KIF7: variants seen among roughly 807,000 people sequenced by gnomAD.
The protein encoded by KIF7 is kinesin-like protein KIF7.
A neutral mutation model predicts 135.7 loss-of-function variants in KIF7; 104 were observed. That is an observed-to-expected ratio of 0.77 (90% CI 0.65 to 0.90). The LOEUF is 0.90. Among genes scored for constraint, KIF7 ranks in the 40% least tolerant of loss-of-function variants. KIF7 has a pLI of 0.00. For missense variants in KIF7, 2,005 were observed against 1,839.1 expected (o/e 1.09, Z -1.65); for synonymous variants, 883 against 809.4 (o/e 1.09, Z -1.54).
chr15:89,627,518 C>T (rs749641149), downstream of KIF7: 16 of 174,508 alleles, frequency 9.2e-5, no homozygotes, highest in African/African-American at 1.7e-4. Context: ...AAGCCATATA[C>T]GTGAAACTGA....
At chr15:89,621,045 G>A (rs915593223) in intron 1 of KIF7, among the ~76,000 whole-genome samples, 1 of 142,754 alleles carries the variant, frequency 7.0e-6, no homozygotes, top group African/African-American at 2.6e-5. Flanking sequence ...TTGAGATGGA[G>A]TTGTGCTCTT....
At position 89,622,468 on chromosome 15, in the gene KIF7, G is replaced by A. The variant is rs75094071; in HGVS notation, c.181-4273C>T. Among the ~76,000 whole-genome samples, 164 of 152,272 alleles carry A rather than the reference G, an allele frequency of 1.1e-3. 2 individuals are homozygous for A. In the East Asian group the frequency reaches 0.029, roughly 27 times the overall value. The stretch of plus-strand genomic sequence containing the variant: ...GCTTAAAATGTTCACTTTGCTTAAA[G>A]CTCTATAGACTCCCCGTCCGCTAAA... On this transcript the variant is annotated intron_variant and NMD_transcript_variant, in intron 1 of 2. Transcript: ENST00000558928.
intron 11 of KIF7, among the ~76,000 whole-genome samples, chr15:89,639,656 G>C (rs1305546368): frequency 1.4e-5 from 2 of 138,014 alleles, no homozygotes; most frequent in Admixed American, 1.5e-4. Context: ...GTGCTGGAGA[G>C]GATGTGGAGA....
At chr15:89,619,956 T>C (rs983862040) in intron 1 of KIF7, 1 of 1,287,650 alleles carries the variant, frequency 7.8e-7, no homozygotes, top group South Asian at 1.5e-5. Flanking sequence ...AGAAGTAGAA[T>C]AGGTATGTCT....
chr15:89,659,254 C>G (rs938044773), upstream of KIF7, among the ~76,000 whole-genome samples: 1 of 152,072 alleles, frequency 6.6e-6, no homozygotes, highest in Admixed American at 6.5e-5. Flanking sequence ...AAAACTAGGC[C>G]TGGCATGATG....
chr15:89,633,999 A>T, intron 11 of KIF7, 116 bp from the exon 12 acceptor site: 1 of 1,070,640 alleles, frequency 9.3e-7, no homozygotes, highest in Non-Finnish European at 1.4e-6. Context: ...TGGGTGATAG[A>T]CCAATAATAA....
intron 1 of KIF7, among the ~76,000 whole-genome samples, chr15:89,620,642 T>C (rs928301027): frequency 9.0e-6 from 1 of 110,930 alleles, no homozygotes; most frequent in African/African-American, 3.0e-5. Flanking sequence ...CATAAATAGG[T>C]GGGATTTTCC....
upstream of KIF7, among the ~76,000 whole-genome samples, chr15:89,657,782 A>G (rs1044204093): frequency 6.6e-6 from 1 of 152,354 alleles, no homozygotes; most frequent in Admixed American, 6.5e-5. Flanking sequence ...GTTACTTGAA[A>G]CAAATTGAGT....
chr15:89,630,976 C>T, intron 15 of KIF7: 1 of 244,436 alleles, frequency 4.1e-6, no homozygotes, highest in Non-Finnish European at 8.1e-6. Flanking sequence ...ATACTGTAGG[C>T]AGTTGTTAAC....
At chr15:89,659,199 A>G (rs184548841), upstream of KIF7, among the ~76,000 whole-genome samples, 2 of 152,196 alleles carry the variant, frequency 1.3e-5, no homozygotes, top group African/African-American at 4.8e-5. Flanking sequence ...CTTGATAAAG[A>G]GTTAGTATTC....
intron 16 of KIF7, 146 bp downstream of exon 16, chr15:89,630,141 G>A: frequency 1.4e-6 from 1 of 730,140 alleles, no homozygotes; most frequent in Non-Finnish European, 2.3e-6. Context: ...TAGGCTTTAA[G>A]GTCAGGCGGC....
chr15:89,648,351 G>A lies in KIF7; in HGVS notation c.1347C>T (p.Gly449=), dbSNP rs1362610541. 5 of 1,436,806 alleles carry A rather than the reference G, an allele frequency of 3.5e-6. No individual in the cohort carries two copies. Among genetic ancestry groups the A allele is most frequent in the African/African-American group, 1.5e-5 (1 of 67,452 alleles). The allele number at this position is 1,436,806 out of a possible 1,614,324, so 89.0% of individuals were successfully genotyped here. ...KVRDWLCAVE[G]ERSALSSASG... ...AGGCGGAGCTCAGGGCGCTGCGCTC[G>A]CCCTCGACGGCGCACAGCCAGTCGC... Residue 449 remains glycine, a synonymous_variant, in exon 5 of 19, where the codon GGC becomes GGT. Transcript: ENST00000394412.
intron 2 of KIF7, among the ~76,000 whole-genome samples, chr15:89,651,598 T>C (rs1964125177): frequency 6.6e-6 from 1 of 152,242 alleles, no homozygotes; most frequent in Non-Finnish European, 1.5e-5. Flanking sequence ...ATCCCATTTT[T>C]GAAAAGTAAA....
In KIF7 at chr15:89,630,327, G is replaced by T; in HGVS notation, c.3278C>A (p.Ser1093Tyr). 6.2e-7 allele frequency: 1 copy of T among 1,614,196 alleles called. No homozygotes were observed. The highest frequency in any genetic ancestry group is 8.5e-7 in the Non-Finnish European group (1 of 1,180,030). Residue 1093 changes from serine to tyrosine, a missense_variant, in exon 16 of 19, where the codon TCC becomes TAC. Coordinates refer to ENST00000394412, the MANE Select transcript of KIF7 (RefSeq NM_198525.3). ...GCAGAGGAGGGCTCTGGTCTCTGAGGATGAGAGGTAGCTGAGCTTGGCCAT... is the reference window on the plus strand; with the variant it reads ...GCAGAGGAGGGCTCTGGTCTCTGAGTATGAGAGGTAGCTGAGCTTGGCCAT... ...NLMAKLSYLS[S>Y]SETRALLCKY...
intron 4 of KIF7, 52 bp from the exon 5 acceptor site, chr15:89,648,826 G>A (rs1964070022): frequency 6.7e-7 from 1 of 1,495,502 alleles, no homozygotes; most frequent in Non-Finnish European, 8.9e-7. Flanking sequence ...CAGGCCCAGG[G>A]CCAGCGGGCC....
rs576763941 is a variant in KIF7 at position 89,628,271 on chromosome 15, C to CCCAAATTTGTTGATCCCAG, written c.*129_*147dup. ...AGGGTCCAGTTCTTTTGGGCCATGGCCCAAATTTGTTGATCCCAGTGAGGG... is the reference window on the plus strand; with the variant it reads ...AGGGTCCAGTTCTTTTGGGCCATGGCCCAAATTTGTTGATCCCAGCCAAATTTGTTGATCCCAGTGAGGG... On this transcript the variant is annotated 3_prime_UTR_variant, in exon 19 of 19. Transcript: ENST00000394412. 3.1e-4 allele frequency: 306 copies of CCCAAATTTGTTGATCCCAG among 993,758 alleles called. No homozygotes were observed. In the African/African-American group the frequency reaches 4.7e-3, roughly 15 times the overall value. The allele number at this position is 993,758 out of a possible 1,614,324, so 61.6% of individuals were successfully genotyped here.
Position 89,632,863 on chromosome 15 carries a change from T to G in KIF7, c.2852A>C (p.Gln951Pro). ...CTTGCTCTCCAGCCCCGTCTTCTCC[T>G]GCATCAGGGCCTCCTTCTTGGCCAG... Reference protein sequence around the residue: ...AILAKKEALMQEKTGLESKRL... With the variant: ...AILAKKEALMPEKTGLESKRL... Residue 951 changes from glutamine (Q) to proline (P), a missense_variant, in exon 14 of 19, where the codon CAG becomes CCG. Transcript: ENST00000394412. 1 of 1,609,910 alleles carries G rather than the reference T, an allele frequency of 6.2e-7. No homozygotes were observed. The highest frequency in any genetic ancestry group is 8.5e-7 in the Non-Finnish European group (1 of 1,179,862).
intron 2 of KIF7, 55 bp from the exon 3 acceptor site, chr15:89,649,996 C>T: frequency 1.3e-6 from 2 of 1,521,424 alleles, no homozygotes; most frequent in South Asian, 2.4e-5. Context: ...GCCCATGGCC[C>T]CCAGGCCCGG....
At chr15:89,618,271 G>A in intron 1 of KIF7, 1 of 1,470,266 alleles carries the variant, frequency 6.8e-7, no homozygotes, top group Non-Finnish European at 9.5e-7. Context: ...AAACCTTTCT[G>A]TATGTATTGT....
Sources: allele counts gnomAD v4.1 joint callset (sites outside exome capture counted in the v4.1 genomes callset), GRCh38; gene constraint gnomAD v4.1.1; transcripts MANE v1.5; gene names NCBI Gene and HGNC (gene_info 2026-07-23, HGNC 2026-07-21).